SLIT3: variants seen among roughly 807,000 people sequenced by gnomAD.
SLIT3 encodes the protein slit homolog 3 protein.
In SLIT3, 68 loss-of-function variants were observed where a neutral mutation model predicts 184.0. The observed-to-expected ratio is 0.37, with a 90% CI of 0.30 to 0.45. The LOEUF is 0.45. Ranked by LOEUF, SLIT3 falls within the 20% of genes least tolerant of loss-of-function variation. SLIT3 has a pLI of 1.00. For synonymous variants in SLIT3, 831 were observed against 828.6 expected (o/e 1.00, Z -0.05); for missense variants, 1,707 against 2,026.0 (o/e 0.84, Z 3.02).
intron 3 of SLIT3, among the ~76,000 whole-genome samples, chr5:169,198,547 T>C (rs1179811032): frequency 6.6e-6 from 1 of 152,146 alleles, no homozygotes; most frequent in Non-Finnish European, 1.5e-5. Flanking sequence ...TTTTTATCCA[T>C]AATAAAGAAT....
At chr5:168,907,873 C>T (rs1453948036) in intron 4 of SLIT3, among the ~76,000 whole-genome samples, 1 of 140,054 alleles carries the variant, frequency 7.1e-6, no homozygotes, top group Non-Finnish European at 1.5e-5. Flanking sequence ...TCTATAGATA[C>T]ATATAGATAT....
chr5:169,163,420 T>C (rs1762540386), intron 4 of SLIT3, among the ~76,000 whole-genome samples: 1 of 152,298 alleles, frequency 6.6e-6, no homozygotes, highest in African/African-American at 2.4e-5. Context: ...CAGGTTGAAC[T>C]GGGAAATCCA....
chr5:168,918,286 G>A (rs1241534110), intron 4 of SLIT3, among the ~76,000 whole-genome samples: 1 of 152,166 alleles, frequency 6.6e-6, no homozygotes, highest in Non-Finnish European at 1.5e-5. Flanking sequence ...CAAAATTCAA[G>A]GTGTGGAGAG....
intron 6 of SLIT3, among the ~76,000 whole-genome samples, chr5:168,839,283 G>A (rs745785322): frequency 2.6e-4 from 40 of 152,060 alleles, no homozygotes; most frequent in Non-Finnish European, 4.7e-4. Flanking sequence ...TGTACCCAGC[G>A]CCCAGCACTG....
At chr5:169,201,983 GCACTTTGGGAGGCCAAA>G (rs143485918) in intron 3 of SLIT3, among the ~76,000 whole-genome samples, 83,968 of 152,052 alleles carry the variant, frequency 0.55, 23,582 homozygotes, top group East Asian at 0.69. Flanking sequence ...TACAGTCCTG[GCACTTTGGGAGGCCAAA>G]GCAGGAGGAT....
chr5:168,951,607 C>A (rs1762653634), intron 4 of SLIT3, among the ~76,000 whole-genome samples: 1 of 152,176 alleles, frequency 6.6e-6, no homozygotes, highest in Non-Finnish European at 1.5e-5. Context: ...AACTGATTCC[C>A]AGCTATAAAC....
chr5:169,020,718 G>A (rs1183488947), intron 4 of SLIT3, among the ~76,000 whole-genome samples: 1 of 152,200 alleles, frequency 6.6e-6, no homozygotes, highest in Non-Finnish European at 1.5e-5. Flanking sequence ...ATCTGCAAAA[G>A]CATGGATGGT....
At chr5:169,172,671 GA>G (rs1376965865) in intron 4 of SLIT3, among the ~76,000 whole-genome samples, 3 of 152,180 alleles carry the variant, frequency 2.0e-5, no homozygotes, top group Non-Finnish European at 4.4e-5. Flanking sequence ...AAATACCTCT[GA>G]GGTAATGAAT....
At chr5:168,703,698 A>G (rs139021491) in intron 26 of SLIT3, among the ~76,000 whole-genome samples, 1,933 of 152,128 alleles carry the variant, frequency 0.013, 40 homozygotes, top group African/African-American at 0.045. Context: ...TCACGCCTAT[A>G]ATCCCAGCAC....
rs12659804 is a variant in SLIT3, at chr5:168,939,194, C to T, written c.414-55858G>A. 2.6e-4 allele frequency among the ~76,000 whole-genome samples: 40 copies of T among 152,112 alleles called. No homozygotes were observed. The East Asian group carries it at 6.8e-3, about 26-fold the overall frequency. On this transcript the variant is annotated intron_variant, in intron 4 of 35. Coordinates refer to ENST00000519560, the MANE Select transcript of SLIT3 (RefSeq NM_003062.4). ...ACCCCCTGGGCAACTTACGTAGCTGCGCTGTGGGTCAGCGCTATGATTGAT... is the reference window on the plus strand; with the variant it reads ...ACCCCCTGGGCAACTTACGTAGCTGTGCTGTGGGTCAGCGCTATGATTGAT...
At chr5:169,208,094 G>C (rs943541851) in intron 3 of SLIT3, among the ~76,000 whole-genome samples, 2 of 152,116 alleles carry the variant, frequency 1.3e-5, no homozygotes, top group Non-Finnish European at 2.9e-5. Flanking sequence ...AAAAAGAAAA[G>C]GAAAGATCTG....
intron 4 of SLIT3, 70 bp downstream of exon 4, chr5:169,193,409 A>T: frequency 7.3e-7 from 1 of 1,360,672 alleles, no homozygotes. Context: ...GGCGCTCCAC[A>T]AACCACATCC....
intron 32 of SLIT3, among the ~76,000 whole-genome samples, chr5:168,679,694 A>G (rs1424500269): frequency 6.6e-6 from 1 of 152,124 alleles, no homozygotes; most frequent in Non-Finnish European, 1.5e-5. Flanking sequence ...GTAGGCAGCA[A>G]GCGGAGACCT....
intron 3 of SLIT3, among the ~76,000 whole-genome samples, chr5:169,240,278 A>G (rs1765350536): frequency 6.6e-6 from 1 of 151,884 alleles, no homozygotes; most frequent in Non-Finnish European, 1.5e-5. Context: ...TTGTTATTTA[A>G]TATTCTATAT....
chr5:168,772,145 T>C (rs1235354363), intron 14 of SLIT3: 3 of 152,296 alleles, frequency 2.0e-5, no homozygotes, highest in African/African-American at 4.8e-5. Flanking sequence ...AGAAGGAAGC[T>C]TTCTAGAGAG....
chr5:169,011,284 A>G (rs1000975408), intron 4 of SLIT3, among the ~76,000 whole-genome samples: 1 of 151,874 alleles, frequency 6.6e-6, no homozygotes, highest in Non-Finnish European at 1.5e-5. Context: ...CCACATTACC[A>G]CTCTCCAGTG....
At chr5:168,709,865 G>T (rs1234266063) in intron 25 of SLIT3, among the ~76,000 whole-genome samples, 1 of 151,496 alleles carries the variant, frequency 6.6e-6, no homozygotes, top group African/African-American at 2.4e-5. Context: ...TTAGCAATGA[G>T]AAAATAAGAG....
At chr5:168,759,547 C>T (rs1755067983) in intron 16 of SLIT3, among the ~76,000 whole-genome samples, 1 of 152,168 alleles carries the variant, frequency 6.6e-6, no homozygotes, top group Non-Finnish European at 1.5e-5. Context: ...ACAAAAACCA[C>T]AAACATGCAA....
In SLIT3 at chr5:168,981,276, C is replaced by T. The variant is rs565171971; in HGVS notation, c.414-97940G>A. On this transcript the variant is annotated intron_variant, in intron 4 of 35. Coordinates refer to ENST00000519560, the MANE Select transcript of SLIT3 (RefSeq NM_003062.4). ...CATTTGGCTCACTGTGGGGTGCATG[C>T]CAATAGGGACTGACTACGCAACAGT... Among the ~76,000 whole-genome samples, 3 of 152,148 alleles carry T rather than the reference C, an allele frequency of 2.0e-5. No individual in the cohort carries two copies. The South Asian group carries it at 6.2e-4, about 32-fold the overall frequency.
Sources: gnomAD v4.1 joint callset for allele counts (sites outside exome capture counted in the v4.1 genomes callset) on GRCh38, gnomAD v4.1.1 for gene constraint, MANE v1.5 for transcripts, NCBI Gene and HGNC (gene_info 2026-07-23, HGNC 2026-07-21) for gene names.